Variants in STAU1 observed in about 807,000 individuals in gnomAD.
STAU1 encodes staufen double-stranded RNA binding protein 1.
In STAU1, 13 loss-of-function variants were observed where a neutral mutation model predicts 62.9. That is an observed-to-expected ratio of 0.21 (90% CI 0.13 to 0.33). STAU1 has a LOEUF of 0.33. Ranked by LOEUF, STAU1 falls within the 10% of genes least tolerant of loss-of-function variation. The probability of loss-of-function intolerance (pLI) is 1.00; values close to 1 mark genes in which losing one functional copy is unlikely to be tolerated. For missense variants in STAU1, 571 were observed against 712.1 expected, an observed-to-expected ratio of 0.80 and a Z score of 2.25; for synonymous variants, 269 against 265.1, an observed-to-expected ratio of 1.01 and a Z score of -0.14.
chr20:49,188,423 C>T (rs1443855231), upstream of STAU1: 1 of 152,202 alleles, frequency 6.6e-6, no homozygotes, highest in Non-Finnish European at 1.5e-5. Flanking sequence ...AGGCCCGGCC[C>T]CGGCCCCACC....
the STAU1 span, among the ~76,000 whole-genome samples, chr20:49,217,989 T>G: frequency 9.2e-5 from 14 of 151,374 alleles, no homozygotes; most frequent in African/African-American, 3.4e-4. Flanking sequence ...TTCTCCTGCT[T>G]CAGCCTCCCG....
chr20:49,212,856 C>T, the STAU1 span, among the ~76,000 whole-genome samples: 1 of 151,910 alleles, frequency 6.6e-6, no homozygotes, highest in Non-Finnish European at 1.5e-5. Context: ...CCTTGGCCTC[C>T]CAAAGTGCTG....
intron 3 of STAU1, among the ~76,000 whole-genome samples, chr20:49,162,969 G>A (rs933430430): frequency 1.3e-5 from 2 of 151,884 alleles, no homozygotes; most frequent in African/African-American, 4.8e-5. Context: ...CAAGGTAGGC[G>A]GATCACGAGG....
chr20:49,134,953 G>A (rs1303828807), intron 6 of STAU1: 14 of 1,600,446 alleles, frequency 8.7e-6, no homozygotes, highest in South Asian at 1.1e-5. Flanking sequence ...AACCCAGCAC[G>A]TGGTGGACTT....
At chr20:49,120,524 C>T (rs2092442295) in intron 8 of STAU1, among the ~76,000 whole-genome samples, 1 of 152,130 alleles carries the variant, frequency 6.6e-6, no homozygotes, top group African/African-American at 2.4e-5. Context: ...TGAAATCAGC[C>T]ATGGTGGGAC....
At chr20:49,165,203 C>G (rs1600813386) in intron 3 of STAU1, among the ~76,000 whole-genome samples, 1 of 152,072 alleles carries the variant, frequency 6.6e-6, no homozygotes, top group South Asian at 2.1e-4. Context: ...CACCACCATG[C>G]CCAGCTATTT....
chr20:49,144,202 T>C (rs1288738451), intron 5 of STAU1, among the ~76,000 whole-genome samples: 2 of 152,228 alleles, frequency 1.3e-5, no homozygotes, highest in African/African-American at 4.8e-5. Flanking sequence ...CCTTGTGCAT[T>C]TGTCCAGTTA....
At chr20:49,196,573 G>A in the STAU1 span, among the ~76,000 whole-genome samples, 1 of 151,982 alleles carries the variant, frequency 6.6e-6, no homozygotes, top group African/African-American at 2.4e-5. Flanking sequence ...GATCTCCTGA[G>A]CTCAGGAGTT....
chr20:49,186,071 A>AT (rs1302228908), intron 1 of STAU1, among the ~76,000 whole-genome samples: 2 of 152,032 alleles, frequency 1.3e-5, no homozygotes, highest in African/African-American at 4.8e-5. Context: ...AAGTTCTGGG[A>AT]TTACAGGCGT....
rs768949309 is a variant in STAU1, at chr20:49,154,015, G to GT, written c.261dup (p.Pro88ThrfsTer4). 2 of 1,613,336 alleles carry GT rather than the reference G, an allele frequency of 1.2e-6. No homozygotes were observed. Among genetic ancestry groups the GT allele is most frequent in the Non-Finnish European group, 1.7e-6 (2 of 1,179,864 alleles). ...TAAGGGTCAACAGGCTTATACATTG[G>GT]TTTTTTTCCAAGTTTCATGCACAGT... On this transcript the variant is annotated frameshift_variant, in exon 4 of 14. Coordinates refer to ENST00000371856, the MANE Select transcript of STAU1 (RefSeq NM_017453.4). LOFTEE classifies it high-confidence loss of function.
upstream of STAU1, among the ~76,000 whole-genome samples, chr20:49,191,399 A>G (rs2093831063): frequency 6.6e-6 from 1 of 152,148 alleles, no homozygotes; most frequent in African/African-American, 2.4e-5. Context: ...TCTGTTGAGT[A>G]TATCTATTAG....
intron 1 of STAU1, among the ~76,000 whole-genome samples, chr20:49,181,418 T>C (rs538811699): frequency 8.3e-4 from 127 of 152,226 alleles, no homozygotes; most frequent in African/African-American, 2.8e-3. Flanking sequence ...TCAGAGAATA[T>C]GCTGACTAAA....
chr20:49,195,676 G>T, the STAU1 span, among the ~76,000 whole-genome samples: 9 of 151,304 alleles, frequency 5.9e-5, no homozygotes, highest in Non-Finnish European at 1.2e-4. Flanking sequence ...GCCCAAGGTG[G>T]GCAGATCACC....
At chr20:49,193,032 G>C (rs1368020339), upstream of STAU1, among the ~76,000 whole-genome samples, 1 of 152,184 alleles carries the variant, frequency 6.6e-6, no homozygotes, top group Non-Finnish European at 1.5e-5. Context: ...CAATGGAAGA[G>C]ATATTTCCAG....
At chr20:49,194,193 C>G in the STAU1 span, among the ~76,000 whole-genome samples, 1 of 151,976 alleles carries the variant, frequency 6.6e-6, no homozygotes, top group Non-Finnish European at 1.5e-5. Context: ...CTTTGAGAGG[C>G]CAGGGCGGGC....
chr20:49,131,375 C>T (rs2092744862), intron 6 of STAU1, among the ~76,000 whole-genome samples: 1 of 152,154 alleles, frequency 6.6e-6, no homozygotes, highest in Non-Finnish European at 1.5e-5. Flanking sequence ...GGTAACAGTA[C>T]TATAGCAATG....
intron 6 of STAU1, among the ~76,000 whole-genome samples, chr20:49,132,070 T>C (rs1555840460): frequency 6.6e-6 from 1 of 150,890 alleles, no homozygotes; most frequent in Non-Finnish European, 1.5e-5. Flanking sequence ...TAGCGGAGAA[T>C]GGGGGGTAGG....
At chr20:49,154,498 T>C (rs2093323635) in intron 3 of STAU1, among the ~76,000 whole-genome samples, 2 of 152,256 alleles carry the variant, frequency 1.3e-5, no homozygotes, top group African/African-American at 4.8e-5. Flanking sequence ...CTCAGAAGTA[T>C]GTCCGTACAC....
the STAU1 span, among the ~76,000 whole-genome samples, chr20:49,205,290 C>G: frequency 1.3e-5 from 2 of 151,770 alleles, no homozygotes; most frequent in African/African-American, 4.8e-5. Context: ...AGTTACTTCT[C>G]ATTACGCACA....
Sources: allele counts gnomAD v4.1 joint callset (sites outside exome capture counted in the v4.1 genomes callset), GRCh38; gene constraint gnomAD v4.1.1; transcripts MANE v1.5; gene names NCBI Gene and HGNC (gene_info 2026-07-23, HGNC 2026-07-21).